NRL: variants seen among roughly 807,000 people sequenced by gnomAD.
NRL encodes the protein neural retina-specific leucine zipper protein.
NRL carries 16 observed loss-of-function variants against 12.5 expected under a neutral mutation model. The observed-to-expected ratio is 1.28, with a 90% confidence interval of 0.87 to 1.95. The LOEUF (loss-of-function observed/expected upper bound fraction) is 1.95. Ranked by LOEUF, NRL falls within the 30% of genes most tolerant of loss-of-function variation. NRL has a pLI of 0.00. For synonymous variants in NRL, 142 were observed against 150.9 expected, an observed-to-expected ratio of 0.94 and a Z score of 0.43; for missense variants, 314 against 325.8, an observed-to-expected ratio of 0.96 and a Z score of 0.28.
At chr14:24,084,369 A>G (rs2036412390) in intron 1 of NRL, among the ~76,000 whole-genome samples, 1 of 152,244 alleles carries the variant, frequency 6.6e-6, no homozygotes, top group African/African-American at 2.4e-5. Context: ...TTCTGACGTG[A>G]TAGCAGTGAG....
At chr14:24,097,278 G>T (rs2036929096) in intron 1 of NRL, 1 of 788,558 alleles carries the variant, frequency 1.3e-6, no homozygotes. Flanking sequence ...CAGAAACTGG[G>T]ATTTGCTTAC....
intron 1 of NRL, among the ~76,000 whole-genome samples, chr14:24,089,050 C>A (rs2036543936): frequency 6.6e-6 from 1 of 151,936 alleles, no homozygotes; most frequent in East Asian, 1.9e-4. Flanking sequence ...GTGATCCGCC[C>A]GCCTCGGCCT....
intron 1 of NRL, chr14:24,099,912 G>A (rs1165347691): frequency 1.2e-6 from 2 of 1,612,532 alleles, no homozygotes; most frequent in Non-Finnish European, 1.7e-6. Flanking sequence ...TCAGGACAGG[G>A]GTGGGTGGAG....
rs756699961 is a variant in NRL at position 24,088,803 on chromosome 14, A to ATT, written c.-27-5930_-27-5929dup. Reference sequence around the variant, plus strand: ...AGACATGCACCACCATGCCTGGCTAATTTTTTTTTTTTTTTTTTTTTTCAC... The same window carrying ATT: ...AGACATGCACCACCATGCCTGGCTAATTTTTTTTTTTTTTTTTTTTTTTTCAC... On this transcript the variant is annotated intron_variant, in intron 1 of 2. Transcript: ENST00000561028. Among the ~76,000 whole-genome samples, 555 of 106,412 alleles carry ATT rather than the reference A, an allele frequency of 5.2e-3. 12 individuals are homozygous for ATT. The highest frequency in any genetic ancestry group is 0.018 in the African/African-American group (480 of 25,970). 69.8% of individuals were successfully genotyped at this position (106,412 alleles called of 152,430 possible). A position where few individuals can be genotyped will look rare whatever the true frequency, so the allele number is the denominator to read the frequency against.
intron 1 of NRL, chr14:24,102,547 T>A: frequency 1.8e-6 from 1 of 558,126 alleles, no homozygotes. Context: ...CTCACATAGC[T>A]CAGCTGGCCG....
intron 1 of NRL, among the ~76,000 whole-genome samples, chr14:24,090,894 A>C (rs987240451): frequency 6.6e-6 from 1 of 152,142 alleles, no homozygotes; most frequent in Non-Finnish European, 1.5e-5. Context: ...GAAACGTGGC[A>C]CTCATTCATT....
rs1491469976 is a variant in NRL, at chr14:24,090,266, G to GGGC, written c.-27-7392_-27-7391insGCC. ...AAACTTGTGTGCAGGTGGTTTACTC[G>GGGC]GGGGGGGGGGGGGGGCACGGGGGGG... On this transcript the variant is annotated intron_variant, in intron 1 of 2. Transcript: ENST00000561028. 4.1e-3 allele frequency among the ~76,000 whole-genome samples: 11 copies of GGGC among 2,712 alleles called. No individual in the cohort carries two copies. In the East Asian group the frequency reaches 0.065, roughly 16 times the overall value. The allele number at this position is 2,712 out of a possible 152,430, so 1.8% of individuals were successfully genotyped here.
chr14:24,084,670 C>T, intron 1 of NRL: 4 of 985,468 alleles, frequency 4.1e-6, no homozygotes, highest in Non-Finnish European at 4.8e-6. Context: ...CTTAAAGGGC[C>T]AGCTCTCTGA....
At position 24,111,744 on chromosome 14, in the gene NRL, G is replaced by A. The variant is rs564322194; in HGVS notation, c.-28+2978C>T. ...GCTTAAGGAGATTTTGGGCTGAGAC[G>A]ATGGGGTTTTCTAGATAAACAATCA... On this transcript the variant is annotated intron_variant, in intron 1 of 2. Transcript: ENST00000561028. Among the ~76,000 whole-genome samples the A allele has an allele frequency of 1.1e-4, 17 of 151,626 alleles. No individual in the cohort carries two copies. The East Asian group carries it at 1.2e-3, about 10-fold the overall frequency.
At position 24,081,149 on chromosome 14, in the gene NRL, G is replaced by A; in HGVS notation, c.*87C>T. ...CGTGGCTAGGACCAGAAGGCGCTCTGGTAACGATGCAGAGAACCGTGCAGC... is the reference window on the plus strand; with the variant it reads ...CGTGGCTAGGACCAGAAGGCGCTCTAGTAACGATGCAGAGAACCGTGCAGC... On this transcript the variant is annotated 3_prime_UTR_variant, in exon 3 of 3. Coordinates refer to ENST00000561028, the MANE Select transcript of NRL (RefSeq NM_001354768.3). This position sits in a 1 kb window ranked among gnomAD's most constrained non-coding sequence, Gnocchi z 4.4. The A allele has an allele frequency of 2.1e-6, 2 of 975,202 alleles. No individual in the cohort carries two copies. The highest frequency in any genetic ancestry group is 1.7e-5 in the African/African-American group (1 of 58,900). The allele number at this position is 975,202 out of a possible 1,614,324, so 60.4% of individuals were successfully genotyped here.
chr14:24,092,332 G>A (rs140487177), intron 1 of NRL, among the ~76,000 whole-genome samples: 2 of 152,318 alleles, frequency 1.3e-5, no homozygotes, highest in African/African-American at 2.4e-5. Context: ...AGGGCTAATT[G>A]AGAAGTACAA....
At chr14:24,102,754 T>C in intron 1 of NRL, 2 of 1,612,758 alleles carry the variant, frequency 1.2e-6, no homozygotes, top group Non-Finnish European at 1.7e-6. Flanking sequence ...CTCTGCCAGG[T>C]GACAAGGAGC....
chr14:24,081,038 C>G lies in NRL; in HGVS notation c.*198G>C, dbSNP rs562561220. The G allele has an allele frequency of 2.4e-6, 1 of 409,124 alleles. No homozygotes were observed. The highest frequency in any genetic ancestry group is 4.2e-6 in the Non-Finnish European group (1 of 235,872). 25.3% of individuals were successfully genotyped at this position (409,124 alleles called of 1,614,324 possible). A position where few individuals can be genotyped will look rare whatever the true frequency, so the allele number is the denominator to read the frequency against. On this transcript the variant is annotated 3_prime_UTR_variant, in exon 3 of 3. Transcript: ENST00000561028. This position sits in a 1 kb window ranked among gnomAD's most constrained non-coding sequence, Gnocchi z 4.4. The stretch of plus-strand genomic sequence containing the variant: ...TTCTGTGTTCGTAAGGGGAGGGGAC[C>G]CCTCTCCAGAAAATGACCAGCATCT...
At chr14:24,100,468 G>A in intron 1 of NRL, 1 of 869,998 alleles carries the variant, frequency 1.1e-6, no homozygotes, top group Non-Finnish European at 1.6e-6. Flanking sequence ...GGGTAGTTGT[G>A]ATAGTACCTA....
chr14:24,094,720 C>T lies in NRL; in HGVS notation c.-27-11845G>A. 3 of 1,501,232 alleles carry T rather than the reference C, an allele frequency of 2.0e-6. No individual in the cohort carries two copies. Among genetic ancestry groups the T allele is most frequent in the South Asian group, 2.4e-5 (2 of 82,868 alleles). The allele number at this position is 1,501,232 out of a possible 1,614,324, so 93.0% of individuals were successfully genotyped here. ...TCAGAACTTCCTCTCTCTCCTCGCT[C>T]CTCTCTGCTGAGCCAGGTCTCCGCA... On this transcript the variant is annotated intron_variant, in intron 1 of 2. Transcript: ENST00000561028. The surrounding 1 kb of genome is among the most constrained non-coding windows in gnomAD (Gnocchi z 4.1).
rs1281055540 is a variant in NRL, at chr14:24,081,273, C to A, written c.677G>T (p.Gly226Val). 6.6e-7 allele frequency: 1 copy of A among 1,505,648 alleles called. No individual in the cohort carries two copies. The highest frequency in any genetic ancestry group is 8.9e-7 in the Non-Finnish European group (1 of 1,125,842). 93.3% of individuals were successfully genotyped at this position (1,505,648 alleles called of 1,614,324 possible). A position where few individuals can be genotyped will look rare whatever the true frequency, so the allele number is the denominator to read the frequency against. Residue 226 changes from glycine to valine, a missense_variant, in exon 3 of 3, where the codon GGC (glycine) becomes GTC (valine). Gly to Val is a moderately radical substitution (Grantham distance 109). Coordinates refer to ENST00000561028, the MANE Select transcript of NRL (RefSeq NM_001354768.3). The surrounding 1 kb of genome is among the most constrained non-coding windows in gnomAD (Gnocchi z 4.4). ...GTGGGAGGGGTCCCCGGACCCGGGG[C>A]CGCTCGAGGTTAGCCGGTCACAGCG... ...KARCDRLTSS[G>V]PGSGDPSHLF... is the part of the protein sequence containing the mutation.
Position 24,103,217 on chromosome 14 carries a change from C to T in NRL, c.-28+11505G>A, listed in dbSNP as rs1183475079. 6.2e-7 allele frequency: 1 copy of T among 1,614,108 alleles called. No homozygotes were observed. Reference sequence around the variant, plus strand: ...CGTCATGGGGTGTTTGTGGGCAGCGCCATGCGCTCTGAGTCCACTGCTGCA... The same window carrying T: ...CGTCATGGGGTGTTTGTGGGCAGCGTCATGCGCTCTGAGTCCACTGCTGCA... On this transcript the variant is annotated intron_variant, in intron 1 of 2. Transcript: ENST00000561028.
In NRL at chr14:24,078,789, A is replaced by G. The variant is rs761321489; in HGVS notation, c.*2447T>C. Reference sequence around the variant, plus strand: ...AGTGAGGCTTGATTTTAACCCACCCATGGTCAAAAAACTGGTAGAACTGCA... The same window carrying G: ...AGTGAGGCTTGATTTTAACCCACCCGTGGTCAAAAAACTGGTAGAACTGCA... On this transcript the variant is annotated 3_prime_UTR_variant, in exon 3 of 3. Transcript: ENST00000561028. Among the ~76,000 whole-genome samples, 35 of 152,128 alleles carry G rather than the reference A, an allele frequency of 2.3e-4. No homozygotes were observed. Among genetic ancestry groups the G allele is most frequent in the Non-Finnish European group, 4.1e-4 (28 of 68,030 alleles).
At chr14:24,098,199 C>T (rs1052565540) in intron 1 of NRL, 2 of 1,590,380 alleles carry the variant, frequency 1.3e-6, no homozygotes, top group African/African-American at 2.7e-5. Context: ...CCCCTCTCCC[C>T]CAGCTGGCTG....
Sources: allele counts gnomAD v4.1 joint callset (sites outside exome capture counted in the v4.1 genomes callset), GRCh38; gene constraint gnomAD v4.1.1; non-coding constraint Gnocchi (gnomAD v3.1); transcripts MANE v1.5; gene names NCBI Gene and HGNC (gene_info 2026-07-23, HGNC 2026-07-21).